The following EXD3 variants were observed in gnomAD, a reference collection of about 807,000 sequenced individuals.
EXD3 encodes exonuclease mut-7 homolog.
Under a neutral mutation model 98.0 loss-of-function variants are expected in EXD3, and 92 were observed. The ratio of observed to expected loss-of-function variants is 0.94; its 90% CI spans 0.79 to 1.12. The LOEUF (loss-of-function observed/expected upper bound fraction) is 1.12. Among genes scored for constraint, EXD3 ranks in the 50% most tolerant of loss-of-function variants. The pLI is 0.00. For missense variants in EXD3, 1,222 were observed against 1,191.6 expected (o/e 1.03, Z -0.38); for synonymous variants, 569 against 526.0 (o/e 1.08, Z -1.12).
chr9:137,390,275 A>G (rs1398114471), intron 2 of EXD3, among the ~76,000 whole-genome samples: 1 of 151,194 alleles, frequency 6.6e-6, no homozygotes, highest in Non-Finnish European at 1.5e-5. Context: ...CTAAAAAAAT[A>G]CAAAAAATTA....
Position 137,360,523 on chromosome 9 carries a change from C to T in EXD3, c.657-4155G>A, listed in dbSNP as rs563870466. 7.9e-5 allele frequency among the ~76,000 whole-genome samples: 6 copies of T among 75,990 alleles called. 3 individuals are homozygous for T. In the South Asian group the frequency reaches 5.7e-3, roughly 72 times the overall value. The allele number at this position is 75,990 out of a possible 152,430, so 49.9% of individuals were successfully genotyped here. On this transcript the variant is annotated intron_variant, in intron 7 of 21. Coordinates refer to ENST00000340951, the MANE Select transcript of EXD3 (RefSeq NM_017820.5). ...TCACCCAGGCTGGTGTGCAATGGCA[C>T]GATATCGGTTTACTGCAATCTCTGC...
intron 20 of EXD3, among the ~76,000 whole-genome samples, chr9:137,309,345 G>A (rs1831238209): frequency 6.6e-6 from 1 of 152,138 alleles, no homozygotes; most frequent in African/African-American, 2.4e-5. Flanking sequence ...CACTCCAGAG[G>A]GTCGCCAAGG....
At chr9:137,309,857 G>A (rs534348442) in intron 19 of EXD3, among the ~76,000 whole-genome samples, 157 bp from the exon 20 acceptor site, 1 of 152,222 alleles carries the variant, frequency 6.6e-6, no homozygotes, top group African/African-American at 2.4e-5. Flanking sequence ...GTCCTGTGGG[G>A]TTCAGGCCAT....
chr9:137,369,229 G>C (rs1404823982), intron 5 of EXD3, among the ~76,000 whole-genome samples: 1 of 151,870 alleles, frequency 6.6e-6, no homozygotes, highest in Admixed American at 6.6e-5. Flanking sequence ...GCAGGGCCTG[G>C]GAGGTGGGCT....
intron 1 of EXD3, among the ~76,000 whole-genome samples, chr9:137,422,758 C>A (rs968210307): frequency 6.6e-6 from 1 of 152,154 alleles, no homozygotes; most frequent in African/African-American, 2.4e-5. Context: ...GCGCGTCCCA[C>A]CGGGAGCGCC....
chr9:137,380,164 G>A (rs890463494), intron 3 of EXD3, among the ~76,000 whole-genome samples: 17 of 151,904 alleles, frequency 1.1e-4, no homozygotes, highest in Admixed American at 4.6e-4. Flanking sequence ...GAAGGAAGCC[G>A]TCCCACCCAC....
At chr9:137,383,831 C>T (rs755155832) in intron 2 of EXD3, among the ~76,000 whole-genome samples, 6 of 152,228 alleles carry the variant, frequency 3.9e-5, no homozygotes, top group Non-Finnish European at 7.3e-5. Flanking sequence ...CCTCCCGCGC[C>T]GCCCCCTCCC....
intron 1 of EXD3, among the ~76,000 whole-genome samples, chr9:137,397,985 T>G (rs947647435): frequency 3.3e-5 from 5 of 152,010 alleles, no homozygotes; most frequent in Non-Finnish European, 7.4e-5. Context: ...AAAAATATGG[T>G]TTTAATGAGT....
chr9:137,341,292 G>C (rs1047669998), intron 17 of EXD3, among the ~76,000 whole-genome samples: 8 of 152,220 alleles, frequency 5.3e-5, no homozygotes, highest in Admixed American at 5.2e-4. Flanking sequence ...ACTCTAGCCA[G>C]ACAGAATGAG....
intron 20 of EXD3, among the ~76,000 whole-genome samples, chr9:137,309,102 C>T (rs1003317572): frequency 6.6e-6 from 1 of 152,208 alleles, no homozygotes; most frequent in Non-Finnish European, 1.5e-5. Context: ...GGGGGCCATA[C>T]TTCCAGCCCC....
chr9:137,402,160 T>G (rs1315082480), intron 1 of EXD3, among the ~76,000 whole-genome samples: 1 of 152,072 alleles, frequency 6.6e-6, no homozygotes, highest in Non-Finnish European at 1.5e-5. Flanking sequence ...GGATTACAGG[T>G]GCGTGCCACC....
chr9:137,396,166 C>G (rs1837209069), intron 1 of EXD3, among the ~76,000 whole-genome samples: 1 of 152,068 alleles, frequency 6.6e-6, no homozygotes, highest in South Asian at 2.1e-4. Flanking sequence ...TGGGGTTTCC[C>G]CATGTTGGTC....
intron 17 of EXD3, among the ~76,000 whole-genome samples, chr9:137,345,228 T>C (rs1833856725): frequency 6.6e-6 from 1 of 152,272 alleles, no homozygotes; most frequent in Non-Finnish European, 1.5e-5. Flanking sequence ...ATGCTTTCTT[T>C]CCTTTTCCTT....
In EXD3 at chr9:137,354,257, C is replaced by T; in HGVS notation, c.870+82G>A. On this transcript the variant is annotated intron_variant, in intron 10 of 21. Transcript: ENST00000340951. ...GCGAAGGCCTCAGCTCTGCGCACTT[C>T]CACCAGGAGGCTCCGGGCCTGTGCC... 1.9e-6 allele frequency: 3 copies of T among 1,567,792 alleles called. No individual in the cohort carries two copies. In the East Asian group the frequency reaches 7.0e-5, roughly 37 times the overall value.
rs1289059104 is a variant in EXD3 at position 137,355,601 on chromosome 9, GAGA to G, written c.757+664_757+666del. Reference sequence around the variant, plus strand: ...AAGGAGGAAGGAGAAAGGGCGGAAGGAGAAAGGAGGAAGGAGGAAGGGAGGATG... The same window carrying G: ...AAGGAGGAAGGAGAAAGGGCGGAAGGAAGGAGGAAGGAGGAAGGGAGGATG... On this transcript the variant is annotated intron_variant, in intron 8 of 21. Coordinates refer to ENST00000340951, the MANE Select transcript of EXD3 (RefSeq NM_017820.5). 1.6e-4 allele frequency among the ~76,000 whole-genome samples: 9 copies of G among 56,184 alleles called. 1 individual carries two copies. The highest frequency in any genetic ancestry group is 6.7e-4 in the South Asian group (1 of 1,500). 36.9% of individuals were successfully genotyped at this position (56,184 alleles called of 152,430 possible).
intron 18 of EXD3, 34 bp from the exon 19 acceptor site, chr9:137,323,890 T>A (rs184924000): frequency 6.3e-7 from 1 of 1,584,110 alleles, no homozygotes; most frequent in African/African-American, 1.3e-5. Flanking sequence ...TGAGGGGCAG[T>A]GCAGAGCCCA....
At position 137,404,095 on chromosome 9, in the gene EXD3, G is replaced by A. The variant is rs1160990273; in HGVS notation, c.-47-8691C>T. ...GGTCCTCACGGGTCCCCCCATGTGC[G>A]TCTGTGTCCTGATCTCCCCTTCTTG... On this transcript the variant is annotated intron_variant, in intron 1 of 21. Transcript: ENST00000340951. 7.9e-5 allele frequency among the ~76,000 whole-genome samples: 12 copies of A among 152,156 alleles called. No homozygotes were observed. The East Asian group carries it at 9.6e-4, about 12-fold the overall frequency.
intron 1 of EXD3, among the ~76,000 whole-genome samples, chr9:137,406,783 C>A (rs1837732696): frequency 6.6e-6 from 1 of 152,196 alleles, no homozygotes; most frequent in Non-Finnish European, 1.5e-5. Flanking sequence ...TCTCCCCAGC[C>A]CTCCTCTGGG....
Position 137,383,302 on chromosome 9 carries a change from C to A in EXD3, c.120+11G>T. ...GTGACTTGGCACGTGGTGGCTGCCA[C>A]GTCCACTCACCTGCTTCCGCTCCCG... is the stretch of plus-strand genomic sequence containing the variant. On this transcript the variant is annotated intron_variant, in intron 3 of 21. Transcript: ENST00000340951. 1 of 1,547,986 alleles carries A rather than the reference C, an allele frequency of 6.5e-7. No homozygotes were observed. Among genetic ancestry groups the A allele is most frequent in the Non-Finnish European group, 8.7e-7 (1 of 1,144,896 alleles).
Sources: allele counts gnomAD v4.1 joint callset (sites outside exome capture counted in the v4.1 genomes callset), GRCh38; gene constraint gnomAD v4.1.1; transcripts MANE v1.5; gene names NCBI Gene and HGNC (gene_info 2026-07-23, HGNC 2026-07-21).